RTL9: variants seen among roughly 807,000 people sequenced by gnomAD.
RTL9 encodes retrotransposon Gag-like protein 9.
In RTL9, 19 loss-of-function variants were observed where a neutral mutation model predicts 44.7. That is an observed-to-expected ratio of 0.42 (90% CI 0.30 to 0.62). RTL9 has a LOEUF of 0.62. RTL9 is among the 20% of genes least tolerant of loss of function. The pLI, the probability that RTL9 is intolerant of heterozygous loss-of-function variation, is 0.16. For synonymous variants in RTL9, 407 were observed against 398.9 expected (o/e 1.02, Z -0.24); for missense variants, 1,105 against 1,080.6 (o/e 1.02, Z -0.32).
chrX:110,394,419 A>G (rs1395225667), intron 1 of RTL9, among the ~76,000 whole-genome samples: 1 of 111,020 alleles, frequency 9.0e-6, no homozygotes, highest in East Asian at 2.8e-4. Context: ...GCCTGGCTAA[A>G]TTTTTGTATT....
At chrX:110,421,169 A>G (rs1271699838) in intron 1 of RTL9, among the ~76,000 whole-genome samples, 1 of 112,312 alleles carries the variant, frequency 8.9e-6, no homozygotes, top group East Asian at 2.8e-4. Flanking sequence ...GATCACTCTG[A>G]TGTATGTCAC....
chrX:110,388,493 G>A (rs1201194914), intron 1 of RTL9, among the ~76,000 whole-genome samples: 6 of 111,791 alleles, frequency 5.4e-5, no homozygotes, highest in African/African-American at 9.8e-5. Flanking sequence ...GGCACATGGC[G>A]CTAGGATGTA....
At chrX:110,378,561 T>C (rs2068395574) in intron 1 of RTL9, among the ~76,000 whole-genome samples, 1 of 112,443 alleles carries the variant, frequency 8.9e-6, no homozygotes, top group Non-Finnish European at 1.9e-5. Flanking sequence ...CTTTCTTTTC[T>C]AGCTTCTTTC....
chrX:110,396,046 A>C (rs1238275377), intron 1 of RTL9, among the ~76,000 whole-genome samples: 1 of 111,685 alleles, frequency 9.0e-6, no homozygotes, highest in Non-Finnish European at 1.9e-5. Flanking sequence ...TGATTATCTA[A>C]TATCTAAATG....
chrX:110,372,339 A>C (rs925866168), intron 1 of RTL9, among the ~76,000 whole-genome samples: 58 of 112,815 alleles, frequency 5.1e-4, no homozygotes, highest in African/African-American at 1.8e-3. Context: ...AATTAAAATG[A>C]AAAGAAAAAA....
At chrX:110,432,507 GC>G (rs2068804811) in intron 1 of RTL9, among the ~76,000 whole-genome samples, 1 of 112,056 alleles carries the variant, frequency 8.9e-6, no homozygotes, top group African/African-American at 3.3e-5. Flanking sequence ...TTGTGAGGCA[GC>G]GTTGGGGGCC....
intron 1 of RTL9, among the ~76,000 whole-genome samples, chrX:110,379,295 A>G (rs2068402031): frequency 8.9e-6 from 1 of 112,171 alleles, no homozygotes; most frequent in Non-Finnish European, 1.9e-5. Flanking sequence ...TTCTTTCTCC[A>G]AGAGGGACAG....
chrX:110,382,767 C>T (rs147132331), intron 1 of RTL9, among the ~76,000 whole-genome samples: 2,916 of 111,879 alleles, frequency 0.026, 91 homozygotes, highest in African/African-American at 0.089. Flanking sequence ...AATCAAAGCC[C>T]TTCTCCCCAT....
At chrX:110,368,274 C>T (rs1048795063) in intron 1 of RTL9, among the ~76,000 whole-genome samples, 72 of 110,666 alleles carry the variant, frequency 6.5e-4, no homozygotes, top group African/African-American at 2.2e-3. Context: ...TGCTCAAAAC[C>T]GTCCGTGGCC....
At chrX:110,364,697 C>T (rs2068285608) in intron 1 of RTL9, among the ~76,000 whole-genome samples, 1 of 111,471 alleles carries the variant, frequency 9.0e-6, no homozygotes, top group Non-Finnish European at 1.9e-5. Context: ...CTGAATAGGA[C>T]CAAGGTCCAT....
chrX:110,452,196 C>A, exon 1 of RTL9: 1 of 1,212,043 alleles, frequency 8.3e-7, no homozygotes, highest in South Asian at 1.8e-5. Flanking sequence ...GTCCATGCCA[C>A]AATTGACAGT....
chrX:110,394,983 G>A (rs1340114259), intron 1 of RTL9, among the ~76,000 whole-genome samples: 3 of 112,804 alleles, frequency 2.7e-5, no homozygotes, highest in African/African-American at 9.7e-5. Context: ...AGCAGCTGGA[G>A]CTTTGGGATC....
intron 1 of RTL9, among the ~76,000 whole-genome samples, chrX:110,420,295 G>C (rs143092956): frequency 0.04 from 4,514 of 112,219 alleles, 238 homozygotes; most frequent in African/African-American, 0.14. Context: ...AAGAGAGCTT[G>C]TTCTGGAATA....
chrX:110,453,881 C>T, exon 1 of RTL9: 1 of 1,212,044 alleles, frequency 8.3e-7, no homozygotes, highest in South Asian at 1.8e-5. Context: ...CACAGACAGC[C>T]TTTGGAGTGA....
At chrX:110,381,851 C>A (rs886538971) in intron 1 of RTL9, among the ~76,000 whole-genome samples, 8 of 110,560 alleles carry the variant, frequency 7.2e-5, no homozygotes, top group African/African-American at 2.0e-4. Flanking sequence ...TAAGTGGGAG[C>A]TATACCTTGG....
chrX:110,414,205 T>C (rs1291071104), upstream of RTL9, among the ~76,000 whole-genome samples: 1 of 112,518 alleles, frequency 8.9e-6, no homozygotes. Flanking sequence ...CATCACTTTG[T>C]TGGTTAGTCC....
rs2068887367 is a variant in RTL9, at chrX:110,442,345, G to A, written c.-167-2808G>A. 1.9e-5 allele frequency among the ~76,000 whole-genome samples: 2 copies of A among 107,165 alleles called. 1 individual carries two copies. Among genetic ancestry groups the A allele is most frequent in the Admixed American group, 2.0e-4 (2 of 9,860 alleles). The allele number at this position is 107,165 out of a possible 115,157, so 93.1% of individuals were successfully genotyped here. A position where few individuals can be genotyped will look rare whatever the true frequency, so the allele number is the denominator to read the frequency against. Reference sequence around the variant, plus strand: ...TGAAATTTCCTGACTTTTAAATGTTGGCAATTAATTTTAAAAAATGTTTAA... The same window carrying A: ...TGAAATTTCCTGACTTTTAAATGTTAGCAATTAATTTTAAAAAATGTTTAA... On this transcript the variant is annotated intron_variant, in intron 1 of 3. Coordinates refer to the RTL9 transcript ENST00000465301.
chrX:110,401,764 GC>G (rs2068566502), intron 1 of RTL9, among the ~76,000 whole-genome samples: 2 of 112,118 alleles, frequency 1.8e-5, no homozygotes, highest in Middle Eastern at 4.2e-3. Flanking sequence ...ATCTCAGTGA[GC>G]CTTCGTTTCC....
At chrX:110,385,610 A>G (rs1237603370) in intron 1 of RTL9, among the ~76,000 whole-genome samples, 1 of 111,906 alleles carries the variant, frequency 8.9e-6, no homozygotes, top group African/African-American at 3.3e-5. Flanking sequence ...AAATGAACTC[A>G]TACAATAGGT....
Sources: allele counts gnomAD v4.1 joint callset (sites outside exome capture counted in the v4.1 genomes callset), GRCh38; gene constraint gnomAD v4.1.1; transcripts MANE v1.5; gene names NCBI Gene and HGNC (gene_info 2026-07-23, HGNC 2026-07-21).